The following TULP4 variants were observed in gnomAD, a reference collection of about 807,000 sequenced individuals.
The protein encoded by TULP4 is TUB like protein 4.
Under a neutral mutation model 129.0 loss-of-function variants are expected in TULP4, and 16 were observed. The ratio of observed to expected loss-of-function variants is 0.12; its 90% CI spans 0.08 to 0.19. TULP4 has a LOEUF of 0.19. Ranked by LOEUF, TULP4 falls within the 10% of genes least tolerant of loss-of-function variation. TULP4 has a pLI of 1.00. For missense variants in TULP4, 1,842 were observed against 2,059.1 expected, an observed-to-expected ratio of 0.89 and a Z score of 2.04; for synonymous variants, 998 against 854.0, an observed-to-expected ratio of 1.17 and a Z score of -2.94.
At chr6:158,349,492 A>C (rs1171337762) in intron 1 of TULP4, among the ~76,000 whole-genome samples, 1 of 125,526 alleles carries the variant, frequency 8.0e-6, no homozygotes, top group Non-Finnish European at 1.7e-5. Context: ...GCAGCTGGGC[A>C]GAGGTGCTCC....
intron 1 of TULP4, among the ~76,000 whole-genome samples, chr6:158,239,569 C>T (rs1435039034): frequency 9.3e-5 from 5 of 53,936 alleles, no homozygotes; most frequent in African/African-American, 2.5e-4. Flanking sequence ...CCGGACGGGG[C>T]GGCTGGCCGG....
chr6:158,389,307 C>T (rs1342212580), intron 1 of TULP4, among the ~76,000 whole-genome samples: 5 of 152,062 alleles, frequency 3.3e-5, no homozygotes, highest in African/African-American at 9.7e-5. Context: ...AAAAATTAGC[C>T]AGGCATGGTG....
At chr6:158,260,916 G>A (rs1024645569) in intron 1 of TULP4, among the ~76,000 whole-genome samples, 1 of 151,936 alleles carries the variant, frequency 6.6e-6, no homozygotes, top group African/African-American at 2.4e-5. Context: ...CGCCTCCCAG[G>A]TTCAAGTGAT....
chr6:158,351,707 C>CTTT (rs1160814801), intron 1 of TULP4, among the ~76,000 whole-genome samples: 1,816 of 50,548 alleles, frequency 0.036, 524 homozygotes, highest in African/African-American at 0.048. Flanking sequence ...TGTTGTTAAA[C>CTTT]TTTTTTTTTT....
intron 11 of TULP4, among the ~76,000 whole-genome samples, chr6:158,498,405 G>A (rs1050455873): frequency 6.6e-6 from 1 of 152,228 alleles, no homozygotes; most frequent in Non-Finnish European, 1.5e-5. Flanking sequence ...TTTGAAATTT[G>A]TAGTTCTGTA....
intron 1 of TULP4, among the ~76,000 whole-genome samples, chr6:158,287,062 C>T (rs1481872995): frequency 1.3e-5 from 2 of 152,038 alleles, no homozygotes; most frequent in African/African-American, 4.8e-5. Flanking sequence ...TATTTCTTGC[C>T]CTCAGAAGGT....
At chr6:158,505,528 A>G (rs1330503238) in intron 13 of TULP4, among the ~76,000 whole-genome samples, 1 of 152,266 alleles carries the variant, frequency 6.6e-6, no homozygotes, top group Non-Finnish European at 1.5e-5. Context: ...AGCCCCTCGC[A>G]GAAAGTGCGT....
chr6:158,321,626 A>G (rs1301712382), intron 1 of TULP4, among the ~76,000 whole-genome samples: 1 of 152,102 alleles, frequency 6.6e-6, no homozygotes, highest in African/African-American at 2.4e-5. Context: ...CTCTCAACTC[A>G]GGAATCTCCC....
intron 1 of TULP4, among the ~76,000 whole-genome samples, chr6:158,377,399 C>T (rs1777217026): frequency 6.6e-6 from 1 of 152,194 alleles, no homozygotes; most frequent in Non-Finnish European, 1.5e-5. Flanking sequence ...ACACTCTTAT[C>T]CCCATTGCTT....
At chr6:158,407,725 G>A (rs1258139424) in intron 1 of TULP4, among the ~76,000 whole-genome samples, 1 of 152,146 alleles carries the variant, frequency 6.6e-6, no homozygotes, top group Non-Finnish European at 1.5e-5. Flanking sequence ...GAAGGAAGCC[G>A]GTCACAAAAG....
chr6:158,468,643 A>G (rs969490831), intron 6 of TULP4, among the ~76,000 whole-genome samples: 21 of 152,248 alleles, frequency 1.4e-4, no homozygotes, highest in African/African-American at 5.1e-4. Flanking sequence ...GTAAGACTAG[A>G]AAAGTGTCTT....
At chr6:158,388,363 T>C (rs1009996045) in intron 1 of TULP4, among the ~76,000 whole-genome samples, 1 of 124,178 alleles carries the variant, frequency 8.1e-6, no homozygotes, top group African/African-American at 3.1e-5. Flanking sequence ...GGAGTCTCAC[T>C]CTGTCGCCCA....
chr6:158,496,398 C>G (rs539937120), intron 11 of TULP4, among the ~76,000 whole-genome samples: 2 of 152,228 alleles, frequency 1.3e-5, no homozygotes, highest in Non-Finnish European at 2.9e-5. Flanking sequence ...AGGCATTTCA[C>G]AGATTTTTTA....
intron 1 of TULP4, among the ~76,000 whole-genome samples, chr6:158,261,334 G>C (rs4710165): frequency 6.6e-6 from 1 of 152,002 alleles, no homozygotes; most frequent in Non-Finnish European, 1.5e-5. Context: ...GTACAGTGCA[G>C]TTTGATTTGA....
intron 1 of TULP4, among the ~76,000 whole-genome samples, chr6:158,351,118 C>T (rs1780508006): frequency 6.6e-6 from 1 of 152,128 alleles, no homozygotes; most frequent in Admixed American, 6.5e-5. Flanking sequence ...CGAACTTGTC[C>T]CTGGATACTT....
intron 1 of TULP4, among the ~76,000 whole-genome samples, chr6:158,320,092 C>T (rs1405111038): frequency 6.6e-6 from 1 of 152,148 alleles, no homozygotes; most frequent in Non-Finnish European, 1.5e-5. Context: ...CTTTTGAAAC[C>T]TTTGATTAGC....
intron 1 of TULP4, among the ~76,000 whole-genome samples, chr6:158,289,177 CAT>C (rs1778885783): frequency 6.6e-6 from 1 of 152,170 alleles, no homozygotes; most frequent in Admixed American, 6.5e-5. Context: ...TTACTCATTT[CAT>C]ATGTTATCTA....
chr6:158,361,075 T>G (rs1403242765), intron 1 of TULP4, among the ~76,000 whole-genome samples: 1 of 152,248 alleles, frequency 6.6e-6, no homozygotes, highest in Non-Finnish European at 1.5e-5. Flanking sequence ...TTAAAGTGAT[T>G]GCTCTAAAGA....
At chr6:158,407,647 G>A (rs11758727) in intron 1 of TULP4, among the ~76,000 whole-genome samples, 2,943 of 152,244 alleles carry the variant, frequency 0.019, 34 homozygotes, top group Non-Finnish European at 0.029. Context: ...GAATGTTACT[G>A]GGCTATATTT....
Sources: allele counts gnomAD v4.1 joint callset (sites outside exome capture counted in the v4.1 genomes callset), GRCh38; gene constraint gnomAD v4.1.1; transcripts MANE v1.5; gene names NCBI Gene and HGNC (gene_info 2026-07-23, HGNC 2026-07-21).